The following ZNF592 variants were observed in gnomAD, a reference collection of about 807,000 sequenced individuals.
The protein encoded by ZNF592 is zinc finger protein 592, also known as spinocerebellar ataxia, autosomal recessive 5.
A neutral mutation model predicts 80.3 loss-of-function variants in ZNF592; 11 were observed. The observed-to-expected ratio is 0.14, with a 90% CI of 0.09 to 0.23. The LOEUF is 0.23. ZNF592 is among the 10% of genes least tolerant of loss of function. The pLI is 1.00. For synonymous variants in ZNF592, 646 were observed against 640.3 expected (o/e 1.01, Z -0.13); for missense variants, 1,420 against 1,633.9 (o/e 0.87, Z 2.26).
chr15:84,759,278 C>G (rs1253415507), intron 1 of ZNF592, among the ~76,000 whole-genome samples: 1 of 152,146 alleles, frequency 6.6e-6, no homozygotes, highest in Non-Finnish European at 1.5e-5. Context: ...GGGGGCTTTT[C>G]TTTCTGAGGG....
At chr15:84,801,048 C>T (rs567747393) in intron 10 of ZNF592, among the ~76,000 whole-genome samples, 93 of 152,276 alleles carry the variant, frequency 6.1e-4, no homozygotes, top group African/African-American at 4.6e-4. Flanking sequence ...ATACTGGGTG[C>T]GGTGGCTCAT....
At chr15:84,788,701 G>A (rs1176627166) in intron 4 of ZNF592, among the ~76,000 whole-genome samples, 1 of 152,080 alleles carries the variant, frequency 6.6e-6, no homozygotes, top group African/African-American at 2.4e-5. Context: ...CTGAAACCCT[G>A]TACTCGTTTT....
At chr15:84,800,986 A>G (rs1963078447) in intron 10 of ZNF592, among the ~76,000 whole-genome samples, 1 of 152,226 alleles carries the variant, frequency 6.6e-6, no homozygotes, top group South Asian at 2.1e-4. Flanking sequence ...TATGTTGTTA[A>G]GTAAAACAAA....
At chr15:84,791,523 A>C (rs937242188) in intron 5 of ZNF592, among the ~76,000 whole-genome samples, 1 of 152,182 alleles carries the variant, frequency 6.6e-6, no homozygotes, top group Non-Finnish European at 1.5e-5. Context: ...ATTGATCTGT[A>C]AGTTGTTTTC....
At chr15:84,796,674 T>C (rs1306936001) in intron 5 of ZNF592, among the ~76,000 whole-genome samples, 1 of 151,946 alleles carries the variant, frequency 6.6e-6, no homozygotes, top group Non-Finnish European at 1.5e-5. Flanking sequence ...AGAAAAATGG[T>C]TTAAGACAAT....
At chr15:84,797,595 T>C (rs919222741) in intron 5 of ZNF592, among the ~76,000 whole-genome samples, 5 of 152,210 alleles carry the variant, frequency 3.3e-5, no homozygotes, top group African/African-American at 1.2e-4. Context: ...TTGCAGAATA[T>C]CCTCTGGCCA....
At position 84,759,633 on chromosome 15, in the gene ZNF592, C is replaced by T. The variant is rs74808065; in HGVS notation, c.-258-5074C>T. Among the ~76,000 whole-genome samples the T allele has an allele frequency of 1.8e-4, 28 of 152,264 alleles. No individual in the cohort carries two copies. The East Asian group carries it at 4.6e-3, about 25-fold the overall frequency. On this transcript the variant is annotated intron_variant, in intron 1 of 10. Transcript: ENST00000560079. ...GAGGTCATACTCTTTAGTACATCAT[C>T]ACCAAACAGTAGGTTTAATTACCAG...
intron 5 of ZNF592, among the ~76,000 whole-genome samples, chr15:84,796,504 G>A (rs530650521): frequency 3.3e-5 from 5 of 151,734 alleles, no homozygotes; most frequent in African/African-American, 1.2e-4. Context: ...GTGTTCTTGG[G>A]CAGGAGGAAA....
chr15:84,797,559 C>T (rs1258961513), intron 5 of ZNF592, among the ~76,000 whole-genome samples: 2 of 152,212 alleles, frequency 1.3e-5, no homozygotes, highest in African/African-American at 2.4e-5. Flanking sequence ...CCACCAACTT[C>T]TCTTAGGTAG....
chr15:84,795,132 A>G (rs1319263180), intron 5 of ZNF592, among the ~76,000 whole-genome samples: 2 of 151,434 alleles, frequency 1.3e-5, no homozygotes, highest in East Asian at 3.8e-4. Flanking sequence ...GCATACACAT[A>G]TATTTCAGAA....
Position 84,803,236 on chromosome 15 carries a change from A to G in ZNF592, c.*843A>G, listed in dbSNP as rs1963151241. Reference sequence around the variant, plus strand: ...TGCTGCCCCAGGCAGGCCAGCCCCTACTCCTCTTGGCTACACTCATGTTGC... The same window carrying G: ...TGCTGCCCCAGGCAGGCCAGCCCCTGCTCCTCTTGGCTACACTCATGTTGC... On this transcript the variant is annotated 3_prime_UTR_variant, in exon 11 of 11. Transcript: ENST00000560079. The G allele has an allele frequency of 6.6e-6, 1 of 152,492 alleles. No homozygotes were observed. The highest frequency in any genetic ancestry group is 6.5e-5 in the Admixed American group (1 of 15,272). 9.4% of individuals were successfully genotyped at this position (152,492 alleles called of 1,614,324 possible).
chr15:84,789,440 G>A (rs114576399), intron 4 of ZNF592, among the ~76,000 whole-genome samples: 350 of 151,820 alleles, frequency 2.3e-3, no homozygotes, highest in Middle Eastern at 0.01. Context: ...AGTCTTTTTG[G>A]TACACACCCA....
chr15:84,751,556 A>T (rs1334942039), intron 1 of ZNF592, among the ~76,000 whole-genome samples: 1 of 152,138 alleles, frequency 6.6e-6, no homozygotes, highest in Non-Finnish European at 1.5e-5. Context: ...CACTGGGTTC[A>T]AATATTAGTT....
At chr15:84,765,540 T>G (rs921009613) in intron 2 of ZNF592, among the ~76,000 whole-genome samples, 1 of 139,118 alleles carries the variant, frequency 7.2e-6, no homozygotes, top group Non-Finnish European at 1.6e-5. Context: ...TTATTGTTTT[T>G]TTTTTTTTTT....
chr15:84,770,916 A>G (rs140092522), intron 2 of ZNF592, among the ~76,000 whole-genome samples: 1,563 of 152,264 alleles, frequency 0.01, 16 homozygotes, highest in Non-Finnish European at 0.017. Flanking sequence ...GAATGTTCGC[A>G]GTATAATTCT....
chr15:84,803,601 T>G lies in ZNF592; in HGVS notation c.*1208T>G, dbSNP rs146513604. ...GCGTATCGAAATTTTCTAGGCACCT[T>G]CATCTTTCCTTCAGTTGATTTTCAA... On this transcript the variant is annotated 3_prime_UTR_variant, in exon 11 of 11. Transcript: ENST00000560079. The G allele has an allele frequency of 6.6e-6, 1 of 152,352 alleles. No individual in the cohort carries two copies. The highest frequency in any genetic ancestry group is 1.5e-5 in the Non-Finnish European group (1 of 68,038). The allele number at this position is 152,352 out of a possible 1,614,324, so 9.4% of individuals were successfully genotyped here. A position where few individuals can be genotyped will look rare whatever the true frequency, so the allele number is the denominator to read the frequency against.
chr15:84,784,705 C>A lies in ZNF592; in HGVS notation c.2030C>A (p.Pro677His). Residue 677 changes from proline (P) to histidine (H), a missense_variant, in exon 4 of 11, where the codon CCT (proline) becomes CAT (histidine). Physicochemically the swap from Pro to His is moderately conservative, Grantham distance 77 (BLOSUM62 -2). Transcript: ENST00000560079. This position sits in a 1 kb window ranked among gnomAD's most constrained non-coding sequence, Gnocchi z 5.8. ...VNSTAPAAPA[P>H]SSSPKHGLTS... ...TCCACGGCACCAGCAGCCCCAGCCC[C>A]TTCATCCTCTCCCAAACATGGCCTC... The A allele has an allele frequency of 6.2e-7, 1 of 1,614,118 alleles. No individual in the cohort carries two copies.
chr15:84,786,077 A>C (rs1962579034), intron 4 of ZNF592, among the ~76,000 whole-genome samples: 6 of 152,142 alleles, frequency 3.9e-5, no homozygotes, highest in Admixed American at 3.9e-4. Flanking sequence ...CAGTTCAGCC[A>C]GGGTTCTGTG....
Position 84,803,639 on chromosome 15 carries a change from C to G in ZNF592, c.*1246C>G, listed in dbSNP as rs1470961335. 1 of 152,186 alleles carries G rather than the reference C, an allele frequency of 6.6e-6. No individual in the cohort carries two copies. Among genetic ancestry groups the G allele is most frequent in the Non-Finnish European group, 1.5e-5 (1 of 68,034 alleles). The allele number at this position is 152,186 out of a possible 1,614,324, so 9.4% of individuals were successfully genotyped here. ...AGTTGATTTTCAACATAAGAGAACC[C>G]CTTACTGGTAAAAAGGGAAAAGGGG... On this transcript the variant is annotated 3_prime_UTR_variant, in exon 11 of 11. Transcript: ENST00000560079.
Sources: gnomAD v4.1 joint callset for allele counts (sites outside exome capture counted in the v4.1 genomes callset) on GRCh38, gnomAD v4.1.1 for gene constraint, Gnocchi (gnomAD v3.1) non-coding constraint, MANE v1.5 for transcripts, NCBI Gene and HGNC (gene_info 2026-07-23, HGNC 2026-07-21) for gene names.